Variants in KALRN observed in about 807,000 individuals in gnomAD.
KALRN encodes kalirin.
A neutral mutation model predicts 353.7 loss-of-function variants in KALRN; 70 were observed. The ratio of observed to expected loss-of-function variants is 0.20; its 90% CI spans 0.16 to 0.24. The LOEUF (loss-of-function observed/expected upper bound fraction) is 0.24. Among genes scored for constraint, KALRN ranks in the 10% least tolerant of loss-of-function variants. The pLI is 1.00. For missense variants in KALRN, 2,791 were observed against 3,756.7 expected (o/e 0.74, Z 6.72); for synonymous variants, 1,391 against 1,434.8 (o/e 0.97, Z 0.69).
At chr3:124,569,074 T>C (rs1408310918) in intron 34 of KALRN, among the ~76,000 whole-genome samples, 1 of 152,208 alleles carries the variant, frequency 6.6e-6, no homozygotes, top group Non-Finnish European at 1.5e-5. Context: ...ACACCTGTGT[T>C]CCTTTTCCTG....
rs76936814 is a variant in KALRN, at chr3:124,401,854, T to C, written c.2346+2983T>C. 2.2e-3 allele frequency among the ~76,000 whole-genome samples: 328 copies of C among 152,264 alleles called. 3 individuals carry two copies. The highest frequency in any genetic ancestry group is 7.7e-3 in the African/African-American group (319 of 41,552). On this transcript the variant is annotated intron_variant, in intron 13 of 59. Coordinates refer to ENST00000682506, the MANE Select transcript of KALRN (RefSeq NM_001388419.1). ...TGTCAGAAGTTATTTTTGAGGGTGT[T>C]GAGATTATTCAAATACCAGCTATGT... is the stretch of plus-strand genomic sequence containing the variant.
In KALRN at chr3:124,694,677, C is replaced by T. The variant is rs192153039; in HGVS notation, c.7577+174C>T. 1.4e-4 allele frequency among the ~76,000 whole-genome samples: 21 copies of T among 152,290 alleles called. No individual in the cohort carries two copies. In the East Asian group the frequency reaches 3.9e-3, roughly 28 times the overall value. ...CTTGATTAGAGAGAGACTGAGGAGA[C>T]TCAAGTGTTAGTCAGAGCCTCTGCC... On this transcript the variant is annotated intron_variant, in intron 53 of 59. Coordinates refer to ENST00000682506, the MANE Select transcript of KALRN (RefSeq NM_001388419.1).
intron 1 of KALRN, among the ~76,000 whole-genome samples, chr3:124,176,149 C>T (rs1401025701): frequency 6.6e-6 from 1 of 152,084 alleles, no homozygotes; most frequent in Non-Finnish European, 1.5e-5. Context: ...TCTTTTTTAG[C>T]TTCCCCAGAT....
At chr3:124,160,093 C>T (rs997991441) in intron 1 of KALRN, among the ~76,000 whole-genome samples, 4 of 151,074 alleles carry the variant, frequency 2.6e-5, no homozygotes, top group African/African-American at 9.7e-5. Flanking sequence ...TAGAATGTGA[C>T]CTTACTTGGA....
chr3:124,264,693 G>A lies in KALRN; in HGVS notation c.456+3G>A, dbSNP rs1426043810. The A allele has an allele frequency of 6.2e-7, 1 of 1,613,276 alleles. No homozygotes were observed. Among genetic ancestry groups the A allele is most frequent in the Non-Finnish European group, 8.5e-7 (1 of 1,179,362 alleles). ...GCAGCTCCAAATTCATCTTTGAGGT[G>A]AGCCAGATTTCTCTCTCTTAGCATC... On this transcript the variant is annotated splice_donor_region_variant and intron_variant, in intron 4 of 59. Coordinates refer to ENST00000682506, the MANE Select transcript of KALRN (RefSeq NM_001388419.1).
At chr3:124,310,648 A>G (rs1162987257) in intron 6 of KALRN, among the ~76,000 whole-genome samples, 3 of 152,238 alleles carry the variant, frequency 2.0e-5, no homozygotes, top group Admixed American at 2.0e-4. Context: ...GAGTGCCAAT[A>G]TCATTTTATG....
At chr3:124,416,911 A>G (rs1370640002) in intron 14 of KALRN, among the ~76,000 whole-genome samples, 2 of 152,270 alleles carry the variant, frequency 1.3e-5, no homozygotes, top group African/African-American at 2.4e-5. Flanking sequence ...ATAAGGGCTT[A>G]TGCTTTGATT....
intron 1 of KALRN, among the ~76,000 whole-genome samples, chr3:124,048,550 C>T (rs995087918): frequency 7.9e-5 from 12 of 151,560 alleles, no homozygotes; most frequent in Admixed American, 2.6e-4. Context: ...GGTGCGATCT[C>T]GGCTCACTGC....
intron 34 of KALRN, among the ~76,000 whole-genome samples, chr3:124,595,029 T>G (rs2076149040): frequency 6.6e-6 from 1 of 152,052 alleles, no homozygotes; most frequent in African/African-American, 2.4e-5. Context: ...ATTTTTAAAT[T>G]ATTGCAACTA....
chr3:124,167,244 T>G (rs1443424260), intron 1 of KALRN, among the ~76,000 whole-genome samples: 2 of 152,176 alleles, frequency 1.3e-5, no homozygotes, highest in Non-Finnish European at 2.9e-5. Context: ...AATTGGCTCC[T>G]GTTAAGCAGG....
chr3:124,536,482 G>C (rs564486642), intron 33 of KALRN, among the ~76,000 whole-genome samples: 12 of 152,176 alleles, frequency 7.9e-5, no homozygotes, highest in African/African-American at 2.9e-4. Flanking sequence ...GATTATAGGC[G>C]TGAGCCACCA....
chr3:124,370,485 G>A (rs937126414), intron 10 of KALRN, among the ~76,000 whole-genome samples: 23 of 152,148 alleles, frequency 1.5e-4, no homozygotes, highest in African/African-American at 4.8e-5. Flanking sequence ...TGGCCATCCG[G>A]AAAGCCAACA....
At chr3:124,103,587 G>A (rs185818063) in intron 1 of KALRN, among the ~76,000 whole-genome samples, 1 of 152,168 alleles carries the variant, frequency 6.6e-6, no homozygotes, top group Non-Finnish European at 1.5e-5. Flanking sequence ...TCCAGGTAGA[G>A]CAGGGAGTGA....
intron 8 of KALRN, among the ~76,000 whole-genome samples, chr3:124,332,762 TTC>T (rs1188985127): frequency 1.3e-5 from 2 of 152,088 alleles, no homozygotes; most frequent in Non-Finnish European, 2.9e-5. Flanking sequence ...TCTCTGCATG[TTC>T]TAGAAAAATG....
chr3:124,224,375 TAAA>T (rs60963834), intron 1 of KALRN, among the ~76,000 whole-genome samples: 1 of 139,700 alleles, frequency 7.2e-6, no homozygotes, highest in African/African-American at 2.6e-5. Context: ...GCTGAAGAGC[TAAA>T]AAAAAAAAAA....
chr3:124,596,114 T>C (rs1286015415), intron 34 of KALRN, among the ~76,000 whole-genome samples: 2 of 152,148 alleles, frequency 1.3e-5, no homozygotes, highest in African/African-American at 4.8e-5. Context: ...TTTTATTGTA[T>C]TGCTTTTAAC....
rs1292823827 is a variant in KALRN, at chr3:124,450,253, G to A, written c.3552+3368G>A. ...TAGCCATCCTAGAGGGTGTGGAGTG[G>A]TATTCATTGTGGGTTTTGATTTGCA... On this transcript the variant is annotated intron_variant, in intron 21 of 59. Coordinates refer to ENST00000682506, the MANE Select transcript of KALRN (RefSeq NM_001388419.1). Among the ~76,000 whole-genome samples, 3 of 152,252 alleles carry A rather than the reference G, an allele frequency of 2.0e-5. No individual in the cohort carries two copies. The East Asian group carries it at 5.8e-4, about 29-fold the overall frequency.
At chr3:124,149,010 G>A (rs2067732747) in intron 1 of KALRN, among the ~76,000 whole-genome samples, 1 of 151,942 alleles carries the variant, frequency 6.6e-6, no homozygotes, top group Non-Finnish European at 1.5e-5. Context: ...AATTCTGATG[G>A]GTATATTTTA....
intron 37 of KALRN, among the ~76,000 whole-genome samples, chr3:124,643,686 C>T (rs941354082): frequency 3.3e-5 from 5 of 152,132 alleles, no homozygotes; most frequent in Non-Finnish European, 5.9e-5. Context: ...GATGAGGTCT[C>T]GCTTTGTTGC....
Sources: allele counts gnomAD v4.1 joint callset (sites outside exome capture counted in the v4.1 genomes callset), GRCh38; gene constraint gnomAD v4.1.1; transcripts MANE v1.5; gene names NCBI Gene and HGNC (gene_info 2026-07-23, HGNC 2026-07-21).